The following HSD17B2 variants were observed in gnomAD, a reference collection of about 807,000 sequenced individuals.
HSD17B2 encodes 17-beta-hydroxysteroid dehydrogenase type 2.
In HSD17B2, 32 loss-of-function variants were observed where a neutral mutation model predicts 26.9. The ratio of observed to expected loss-of-function variants is 1.19; its 90% CI spans 0.90 to 1.60. The LOEUF is 1.60. Ranked by LOEUF, HSD17B2 falls within the 40% of genes most tolerant of loss-of-function variation. HSD17B2 has a pLI of 0.00. For synonymous variants in HSD17B2, 246 were observed against 186.7 expected, an observed-to-expected ratio of 1.32 and a Z score of -2.59; for missense variants, 613 against 468.6, an observed-to-expected ratio of 1.31 and a Z score of -2.85.
intron 3 of HSD17B2, among the ~76,000 whole-genome samples, chr16:82,083,457 C>A (rs539589901): frequency 1.3e-5 from 2 of 152,172 alleles, no homozygotes. Context: ...TTCTGAACCT[C>A]TGAGTTGCAG....
intron 3 of HSD17B2, among the ~76,000 whole-genome samples, chr16:82,072,708 G>T (rs1287373090): frequency 1.3e-5 from 2 of 152,172 alleles, no homozygotes; most frequent in African/African-American, 4.8e-5. Flanking sequence ...AGAAATGCAA[G>T]TGTATGAACG....
At chr16:82,082,496 A>G (rs1349141870) in intron 3 of HSD17B2, among the ~76,000 whole-genome samples, 1 of 152,224 alleles carries the variant, frequency 6.6e-6, no homozygotes, top group East Asian at 1.9e-4. Flanking sequence ...TATTATGAAT[A>G]ATGCTTCTCT....
At position 82,035,330 on chromosome 16, in the gene HSD17B2, A is replaced by G. The variant is rs763296143; in HGVS notation, c.-95A>G. The G allele has an allele frequency of 8.3e-7, 1 of 1,211,042 alleles. No homozygotes were observed. The highest frequency in any genetic ancestry group is 2.1e-5 in the Admixed American group (1 of 47,992). The allele number at this position is 1,211,042 out of a possible 1,614,324, so 75.0% of individuals were successfully genotyped here. The stretch of plus-strand genomic sequence containing the variant: ...GGCTGCTTTCTCCCCTCCCTTCTTG[A>G]CTCTCTGTTCACAGAACTCAGGCTG... On this transcript the variant is annotated 5_prime_UTR_variant, in exon 1 of 5. Coordinates refer to ENST00000199936, the MANE Select transcript of HSD17B2 (RefSeq NM_002153.3).
rs149495053 is a variant in HSD17B2 at position 82,065,923 on chromosome 16, C to T, written c.266-2247C>T. On this transcript the variant is annotated intron_variant, in intron 1 of 4. Coordinates refer to ENST00000199936, the MANE Select transcript of HSD17B2 (RefSeq NM_002153.3). ...TTGGGGAATAATTTTATAAGACAGA[C>T]TTGACCACTACTGGTATTTAGGGGA... is the stretch of plus-strand genomic sequence containing the variant. Among the ~76,000 whole-genome samples, 78 of 152,294 alleles carry T rather than the reference C, an allele frequency of 5.1e-4. No homozygotes were observed. In the East Asian group the frequency reaches 0.014, roughly 28 times the overall value.
chr16:82,043,684 CA>C (rs398030034), intron 1 of HSD17B2, among the ~76,000 whole-genome samples: 1,837 of 22,414 alleles, frequency 0.082, 3 homozygotes, highest in African/African-American at 0.092. Context: ...AACTCTGTCT[CA>C]AAAAAAAAAA....
chr16:82,045,334 A>G (rs1390977821), intron 1 of HSD17B2, among the ~76,000 whole-genome samples: 3 of 152,036 alleles, frequency 2.0e-5, no homozygotes, highest in Admixed American at 6.5e-5. Flanking sequence ...CAGTATCTAA[A>G]TGAAGATATT....
intron 1 of HSD17B2, among the ~76,000 whole-genome samples, chr16:82,067,693 C>A (rs544380803): frequency 6.6e-6 from 1 of 152,312 alleles, no homozygotes; most frequent in South Asian, 2.1e-4. Context: ...ATGAACTGGC[C>A]CCCATGGGCA....
At chr16:82,049,783 A>G (rs1232048611) in intron 1 of HSD17B2, among the ~76,000 whole-genome samples, 1 of 152,252 alleles carries the variant, frequency 6.6e-6, no homozygotes, top group African/African-American at 2.4e-5. Flanking sequence ...AGCAGCAGAG[A>G]TGGAATTTTT....
intron 3 of HSD17B2, among the ~76,000 whole-genome samples, chr16:82,088,753 T>A (rs2955155): frequency 6.6e-6 from 1 of 152,342 alleles, no homozygotes; most frequent in East Asian, 1.9e-4. Context: ...TGGCCATCTG[T>A]GGCAAGATTA....
At chr16:82,041,636 G>GACCAT (rs1913768224) in intron 1 of HSD17B2, among the ~76,000 whole-genome samples, 1 of 152,190 alleles carries the variant, frequency 6.6e-6, no homozygotes, top group South Asian at 2.1e-4. Flanking sequence ...CAGCACTGCC[G>GACCAT]ACCATACTTT....
intron 1 of HSD17B2, among the ~76,000 whole-genome samples, chr16:82,039,775 C>T (rs892823060): frequency 3.3e-5 from 5 of 152,092 alleles, no homozygotes; most frequent in African/African-American, 4.8e-5. Context: ...TATTGAGAAC[C>T]GACTCAGCAT....
chr16:82,035,793 G>A (rs1246021137), intron 1 of HSD17B2, 104 bp downstream of exon 1: 2 of 1,236,044 alleles, frequency 1.6e-6, no homozygotes, highest in Non-Finnish European at 1.1e-6. Flanking sequence ...TACTTGGCAT[G>A]GAGTAAATGA....
chr16:82,075,630 T>C (rs972604290), intron 3 of HSD17B2, among the ~76,000 whole-genome samples: 1 of 152,126 alleles, frequency 6.6e-6, no homozygotes, highest in Admixed American at 6.5e-5. Flanking sequence ...AAGAGATGGA[T>C]AAATTCTTAC....
intron 3 of HSD17B2, among the ~76,000 whole-genome samples, chr16:82,084,721 T>C (rs573188939): frequency 9.2e-5 from 14 of 152,266 alleles, no homozygotes; most frequent in African/African-American, 3.4e-4. Flanking sequence ...ATGCTATGCT[T>C]GAATAAGAAG....
At position 82,098,240 on chromosome 16, in the gene HSD17B2, G is replaced by A. The variant is rs201379550; in HGVS notation, c.968G>A (p.Arg323Gln). 1.8e-5 allele frequency: 29 copies of A among 1,614,212 alleles called. No homozygotes were observed. Among genetic ancestry groups the A allele is most frequent in the Middle Eastern group, 3.3e-4 (2 of 6,062 alleles). The change falls in exon 5 of 5, where the codon CGG (arginine) becomes CAG (glutamine). Residue 323 changes from arginine (R) to glutamine (Q), a missense_variant. Coordinates refer to ENST00000199936, the MANE Select transcript of HSD17B2 (RefSeq NM_002153.3). ...LASKDFSPVL[R>Q]DIQHAILAKS... Reference sequence around the variant, plus strand: ...AGCAAGGACTTCTCTCCGGTGCTGCGGGACATCCAGCATGCTATCTTGGCG... The same window carrying A: ...AGCAAGGACTTCTCTCCGGTGCTGCAGGACATCCAGCATGCTATCTTGGCG...
chr16:82,062,075 C>A (rs759345280), intron 1 of HSD17B2, among the ~76,000 whole-genome samples: 1 of 152,162 alleles, frequency 6.6e-6, no homozygotes, highest in Non-Finnish European at 1.5e-5. Flanking sequence ...ATATGGTGCC[C>A]CCATGTGGCA....
intron 1 of HSD17B2, among the ~76,000 whole-genome samples, chr16:82,040,085 A>G (rs1913728630): frequency 5.3e-5 from 8 of 152,256 alleles, no homozygotes; most frequent in Admixed American, 5.2e-4. Context: ...TGCATTAGAT[A>G]ATTTTTAATT....
At chr16:82,088,909 A>C (rs574515015) in intron 3 of HSD17B2, among the ~76,000 whole-genome samples, 8 of 152,340 alleles carry the variant, frequency 5.3e-5, no homozygotes, top group African/African-American at 1.9e-4. Context: ...TAGCTCTTCA[A>C]TTGTCTGAGA....
chr16:82,036,320 TTGTGTGTGTGTGTG>T (rs10609893), intron 1 of HSD17B2, among the ~76,000 whole-genome samples: 265 of 145,864 alleles, frequency 1.8e-3, no homozygotes, highest in Admixed American at 2.4e-3. Context: ...TTTCCCTTGT[TTGTGTGTGTGTGTG>T]TGTGTGTGTG....
Sources: gnomAD v4.1 joint callset for allele counts (sites outside exome capture counted in the v4.1 genomes callset) on GRCh38, gnomAD v4.1.1 for gene constraint, MANE v1.5 for transcripts, NCBI Gene and HGNC (gene_info 2026-07-23, HGNC 2026-07-21) for gene names.